Variants in PTPRD observed in about 807,000 individuals in gnomAD.
PTPRD encodes the protein protein tyrosine phosphatase receptor type D.
PTPRD carries 34 observed loss-of-function variants against 214.5 expected under a neutral mutation model. The observed-to-expected ratio is 0.16, with a 90% confidence interval of 0.12 to 0.21. PTPRD has a LOEUF of 0.21. Ranked by LOEUF, PTPRD falls within the 10% of genes least tolerant of loss-of-function variation. PTPRD has a pLI of 1.00. For missense variants in PTPRD, 2,545 were observed against 2,398.7 expected (o/e 1.06, Z -1.27); for synonymous variants, 1,128 against 845.7 (o/e 1.33, Z -5.79).
At chr9:9,348,024 T>G (rs1002732907) in intron 9 of PTPRD, among the ~76,000 whole-genome samples, 1 of 152,194 alleles carries the variant, frequency 6.6e-6, no homozygotes, top group Non-Finnish European at 1.5e-5. Context: ...TGTTTTAGTA[T>G]GCATATTCAT....
At chr9:9,844,627 C>G (rs2059068841) in intron 5 of PTPRD, among the ~76,000 whole-genome samples, 1 of 151,870 alleles carries the variant, frequency 6.6e-6, no homozygotes. Flanking sequence ...AATAGTCCCT[C>G]ATAACTACGA....
At chr9:10,177,476 T>C (rs1226620314) in intron 3 of PTPRD, among the ~76,000 whole-genome samples, 1 of 148,988 alleles carries the variant, frequency 6.7e-6, no homozygotes, top group East Asian at 1.9e-4. Flanking sequence ...ACTGACACTA[T>C]GAAAGTTGCA....
chr9:10,604,631 T>C (rs528481566), intron 2 of PTPRD, among the ~76,000 whole-genome samples: 5 of 151,890 alleles, frequency 3.3e-5, no homozygotes, highest in South Asian at 2.1e-4. Context: ...TAACCACATA[T>C]GTTTCCTAGG....
intron 30 of PTPRD, among the ~76,000 whole-genome samples, chr9:8,483,617 C>T (rs1215166539): frequency 3.9e-5 from 6 of 151,936 alleles, no homozygotes; most frequent in Non-Finnish European, 7.4e-5. Flanking sequence ...CCAGACATGG[C>T]GACAGGTGCC....
At position 9,636,106 on chromosome 9, in the gene PTPRD, T is replaced by C. The variant is rs115373263; in HGVS notation, c.-286-61325A>G. 4.2e-3 allele frequency among the ~76,000 whole-genome samples: 637 copies of C among 152,278 alleles called. 6 individuals are homozygous for C. The highest frequency in any genetic ancestry group is 0.015 in the African/African-American group (607 of 41,554). Reference sequence around the variant, plus strand: ...TTCAGGTTCTTCATTTGCTCAATTTTCTCCAGCTTACAGGATATTTTTCAC... The same window carrying C: ...TTCAGGTTCTTCATTTGCTCAATTTCCTCCAGCTTACAGGATATTTTTCAC... On this transcript the variant is annotated intron_variant, in intron 7 of 45. Transcript: ENST00000381196.
At position 8,472,792 on chromosome 9, in the gene PTPRD, T is replaced by C. The variant is rs151326418; in HGVS notation, c.3414-1707A>G. Among the ~76,000 whole-genome samples the C allele has an allele frequency of 5.4e-3, 822 of 152,330 alleles. 6 individuals are homozygous for C. Among genetic ancestry groups the C allele is most frequent in the Non-Finnish European group, 9.0e-3 (610 of 68,020 alleles). On this transcript the variant is annotated intron_variant, in intron 30 of 45. Transcript: ENST00000381196. ...GAAAACTTAAAATGTCACATGTGACTTTCATTATATTTGCTGGACGGCACT... is the reference window on the plus strand; with the variant it reads ...GAAAACTTAAAATGTCACATGTGACCTTCATTATATTTGCTGGACGGCACT...
chr9:9,973,889 G>A (rs560834002), intron 4 of PTPRD, among the ~76,000 whole-genome samples: 18 of 152,044 alleles, frequency 1.2e-4, no homozygotes, highest in Admixed American at 1.2e-3. Flanking sequence ...AGACACTTAT[G>A]TGAACTAATG....
chr9:9,915,255 C>G (rs939629277), intron 5 of PTPRD, among the ~76,000 whole-genome samples: 1 of 151,870 alleles, frequency 6.6e-6, no homozygotes, highest in Non-Finnish European at 1.5e-5. Context: ...GAAACTAACA[C>G]CATAAAATTA....
At chr9:9,587,183 C>A (rs2092126388) in intron 7 of PTPRD, among the ~76,000 whole-genome samples, 1 of 151,712 alleles carries the variant, frequency 6.6e-6, no homozygotes, top group Non-Finnish European at 1.5e-5. Context: ...TGTATTACAT[C>A]CAGCAAGTTA....
At chr9:8,948,473 ATATATATT>A (rs1567182879) in intron 11 of PTPRD, among the ~76,000 whole-genome samples, 1,962 of 22,016 alleles carry the variant, frequency 0.089, 499 homozygotes, top group Middle Eastern at 0.15. Context: ...ATTTACATAT[ATATATATT>A]TATATATATA....
intron 3 of PTPRD, among the ~76,000 whole-genome samples, chr9:10,221,585 T>C (rs2099571201): frequency 6.6e-6 from 1 of 152,032 alleles, no homozygotes; most frequent in South Asian, 2.1e-4. Context: ...CATTTATTTT[T>C]ATGAATACAT....
intron 3 of PTPRD, among the ~76,000 whole-genome samples, chr9:10,338,795 A>T (rs1318826867): frequency 6.6e-6 from 1 of 151,836 alleles, no homozygotes; most frequent in Admixed American, 6.6e-5. Flanking sequence ...GGAGAAAAAA[A>T]ATACATATTT....
intron 11 of PTPRD, among the ~76,000 whole-genome samples, chr9:8,854,071 T>C (rs1263409119): frequency 6.6e-6 from 1 of 152,158 alleles, no homozygotes; most frequent in Non-Finnish European, 1.5e-5. Flanking sequence ...GGGCATGTAA[T>C]ACAAATCCTG....
intron 11 of PTPRD, among the ~76,000 whole-genome samples, chr9:9,002,173 A>G (rs978399616): frequency 1.3e-5 from 2 of 152,166 alleles, no homozygotes; most frequent in Non-Finnish European, 2.9e-5. Context: ...AGAAGATAGG[A>G]TATTTATCTC....
At chr9:9,313,659 T>C (rs1194088490) in intron 9 of PTPRD, among the ~76,000 whole-genome samples, 1 of 152,066 alleles carries the variant, frequency 6.6e-6, no homozygotes, top group African/African-American at 2.4e-5. Context: ...TTAGGAAGAG[T>C]GTTTTGCTGT....
chr9:9,156,397 G>C (rs1309388264), intron 10 of PTPRD, among the ~76,000 whole-genome samples: 1 of 151,186 alleles, frequency 6.6e-6, no homozygotes, highest in Non-Finnish European at 1.5e-5. Context: ...AATTTAAAAA[G>C]TAAGCAGATT....
chr9:9,748,314 C>T (rs1430567505), intron 6 of PTPRD, among the ~76,000 whole-genome samples: 1 of 152,134 alleles, frequency 6.6e-6, no homozygotes, highest in Non-Finnish European at 1.5e-5. Flanking sequence ...AATGTTCACA[C>T]CAGAATTGTT....
At chr9:10,577,575 T>C (rs2132244332) in intron 2 of PTPRD, among the ~76,000 whole-genome samples, 1 of 152,286 alleles carries the variant, frequency 6.6e-6, no homozygotes, top group Non-Finnish European at 1.5e-5. Context: ...AGTTTGGACT[T>C]ACAAACTCAA....
chr9:8,480,433 G>C (rs992496943), intron 30 of PTPRD, among the ~76,000 whole-genome samples: 10 of 152,006 alleles, frequency 6.6e-5, no homozygotes, highest in Non-Finnish European at 1.5e-4. Flanking sequence ...CTCTACTATA[G>C]GACTCTGCTT....
Sources: allele counts gnomAD v4.1 joint callset (sites outside exome capture counted in the v4.1 genomes callset), GRCh38; gene constraint gnomAD v4.1.1; transcripts MANE v1.5; gene names NCBI Gene and HGNC (gene_info 2026-07-23, HGNC 2026-07-21).